The following ADK variants were observed in gnomAD, a reference collection of about 807,000 sequenced individuals.
ADK encodes adenosine kinase.
A neutral mutation model predicts 44.7 loss-of-function variants in ADK; 24 were observed. The observed-to-expected ratio is 0.54, with a 90% CI of 0.39 to 0.76. ADK has a LOEUF of 0.76. ADK is among the 30% of genes least tolerant of loss of function. The pLI, the probability that ADK is intolerant of heterozygous loss-of-function variation, is 0.00. For missense variants in ADK, 321 were observed against 425.1 expected, an observed-to-expected ratio of 0.76 and a Z score of 2.15; for synonymous variants, 128 against 142.6, an observed-to-expected ratio of 0.90 and a Z score of 0.73.
chr10:74,214,089 C>T (rs143369095), intron 2 of ADK, among the ~76,000 whole-genome samples: 85 of 152,200 alleles, frequency 5.6e-4, no homozygotes, highest in African/African-American at 1.9e-3. Flanking sequence ...TTTTAATCCT[C>T]GTTTACTTTG....
chr10:74,295,583 C>T lies in ADK; in HGVS notation c.195-19084C>T, dbSNP rs368376597. On this transcript the variant is annotated intron_variant, in intron 3 of 10. Transcript: ENST00000539909. ...TCTTTAAATGGTGTCTTTGATGAACCGATGTTCTTCATTTTAATATGGACC... is the reference window on the plus strand; with the variant it reads ...TCTTTAAATGGTGTCTTTGATGAACTGATGTTCTTCATTTTAATATGGACC... 2.4e-4 allele frequency among the ~76,000 whole-genome samples: 37 copies of T among 151,530 alleles called. 1 individual carries two copies. Among genetic ancestry groups the T allele is most frequent in the Middle Eastern group, 6.8e-3 (2 of 294 alleles).
chr10:74,381,438 G>A (rs931929976), intron 4 of ADK, among the ~76,000 whole-genome samples: 2 of 152,220 alleles, frequency 1.3e-5, no homozygotes, highest in Non-Finnish European at 2.9e-5. Flanking sequence ...AAGCTGTTAA[G>A]CTTTAAGTGC....
intron 9 of ADK, among the ~76,000 whole-genome samples, chr10:74,668,288 C>A (rs917939256): frequency 6.6e-6 from 1 of 152,128 alleles, no homozygotes; most frequent in African/African-American, 2.4e-5. Flanking sequence ...CTAATAAAGT[C>A]TGCTTACATT....
chr10:74,442,006 G>T (rs1301083634), intron 6 of ADK, among the ~76,000 whole-genome samples: 1 of 151,942 alleles, frequency 6.6e-6, no homozygotes, highest in Non-Finnish European at 1.5e-5. Context: ...GTGAAGCTGG[G>T]TTCAGTGGTG....
intron 9 of ADK, among the ~76,000 whole-genome samples, chr10:74,614,734 C>G (rs1852684118): frequency 6.6e-6 from 1 of 151,166 alleles, no homozygotes; most frequent in Non-Finnish European, 1.5e-5. Context: ...TGTATTTTCT[C>G]CACTTCAGTC....
chr10:74,500,107 T>A (rs1847839145), intron 6 of ADK, among the ~76,000 whole-genome samples: 4 of 152,214 alleles, frequency 2.6e-5, no homozygotes, highest in African/African-American at 9.6e-5. Context: ...AAGCCCGAAA[T>A]AGAAGCCAAG....
At chr10:74,355,672 C>G (rs1327808759) in intron 4 of ADK, among the ~76,000 whole-genome samples, 1 of 152,100 alleles carries the variant, frequency 6.6e-6, no homozygotes, top group African/African-American at 2.4e-5. Context: ...TTATTCAGGA[C>G]CATTTGCTTT....
intron 4 of ADK, among the ~76,000 whole-genome samples, chr10:74,345,524 T>C (rs1249480017): frequency 6.6e-6 from 1 of 152,130 alleles, no homozygotes; most frequent in Non-Finnish European, 1.5e-5. Context: ...TCCAGGCTGG[T>C]CTTGAACTCC....
chr10:74,473,193 G>GACAC (rs74890577), intron 6 of ADK, among the ~76,000 whole-genome samples: 195 of 149,650 alleles, frequency 1.3e-3, no homozygotes, highest in African/African-American at 4.6e-3. Flanking sequence ...TATACACACA[G>GACAC]ACACACACAC....
intron 9 of ADK, among the ~76,000 whole-genome samples, chr10:74,662,620 T>A (rs905630995): frequency 6.6e-6 from 1 of 152,152 alleles, no homozygotes; most frequent in African/African-American, 2.4e-5. Context: ...CACTCCCTTA[T>A]TTAAAACTTT....
intron 2 of ADK, among the ~76,000 whole-genome samples, chr10:74,218,439 C>T (rs1264762778): frequency 1.3e-5 from 2 of 152,200 alleles, no homozygotes; most frequent in Non-Finnish European, 2.9e-5. Flanking sequence ...AGTTGGAAAA[C>T]ACTCTGCAGG....
At chr10:74,498,992 A>G (rs949896350) in intron 6 of ADK, among the ~76,000 whole-genome samples, 1 of 152,244 alleles carries the variant, frequency 6.6e-6, no homozygotes, top group Admixed American at 6.5e-5. Context: ...GGACTATCAG[A>G]AAAACTGTTT....
At chr10:74,369,102 C>G (rs1190298396) in intron 4 of ADK, among the ~76,000 whole-genome samples, 1 of 152,104 alleles carries the variant, frequency 6.6e-6, no homozygotes, top group Non-Finnish European at 1.5e-5. Flanking sequence ...TGCCTGTAAT[C>G]CCAGCTCTTT....
intron 7 of ADK, among the ~76,000 whole-genome samples, chr10:74,535,414 G>A (rs1048476055): frequency 1.2e-4 from 18 of 152,132 alleles, no homozygotes; most frequent in African/African-American, 4.3e-4. Context: ...AGTGAGCTAC[G>A]ATCATGCAAC....
At chr10:74,673,581 C>G (rs1855262547) in intron 10 of ADK, among the ~76,000 whole-genome samples, 1 of 152,208 alleles carries the variant, frequency 6.6e-6, no homozygotes, top group Admixed American at 6.5e-5. Flanking sequence ...CTGCCCGTGA[C>G]CCCTGGATCC....
chr10:74,337,373 C>T (rs1408391373), intron 4 of ADK, among the ~76,000 whole-genome samples: 1 of 152,160 alleles, frequency 6.6e-6, no homozygotes, highest in Non-Finnish European at 1.5e-5. Flanking sequence ...GACATTGCAC[C>T]TGCCTGGTGC....
chr10:74,697,100 T>C (rs1856236849), intron 10 of ADK, among the ~76,000 whole-genome samples: 2 of 152,192 alleles, frequency 1.3e-5, no homozygotes, highest in South Asian at 4.1e-4. Flanking sequence ...GTTTAAACTC[T>C]ACATAGGCAT....
intron 6 of ADK, among the ~76,000 whole-genome samples, chr10:74,521,350 T>C (rs976773164): frequency 1.3e-5 from 2 of 152,180 alleles, no homozygotes; most frequent in Non-Finnish European, 2.9e-5. Context: ...ATCACAAGAC[T>C]CTTGTGTTGT....
chr10:74,176,907 T>G, intron 1 of ADK: 1 of 1,610,036 alleles, frequency 6.2e-7, no homozygotes, highest in Non-Finnish European at 8.5e-7. Flanking sequence ...GGCGGCTGCC[T>G]TGACTGCTCC....
Sources: allele counts gnomAD v4.1 joint callset (sites outside exome capture counted in the v4.1 genomes callset), GRCh38; gene constraint gnomAD v4.1.1; transcripts MANE v1.5; gene names NCBI Gene and HGNC (gene_info 2026-07-23, HGNC 2026-07-21).